Variants in N4BP2L2 observed in about 807,000 individuals in gnomAD.
N4BP2L2 encodes NEDD4 binding protein 2 like 2, also known as NEDD4-binding protein 2-like 2.
Under a neutral mutation model 56.2 loss-of-function variants are expected in N4BP2L2, and 50 were observed. The observed-to-expected ratio is 0.89, with a 90% CI of 0.71 to 1.13. The LOEUF is 1.13. Among genes scored for constraint, N4BP2L2 ranks in the 50% most tolerant of loss-of-function variants. The pLI, the probability that N4BP2L2 is intolerant of heterozygous loss-of-function variation, is 0.00. For synonymous variants in N4BP2L2, 203 were observed against 223.6 expected (o/e 0.91, Z 0.82); for missense variants, 689 against 693.8 (o/e 0.99, Z 0.08).
chr13:32,526,818 G>GTTTTTTTTTTTTTTTTTTTTTTT lies in N4BP2L2; in HGVS notation c.1384+567_1384+589dup, dbSNP rs35925361. On this transcript the variant is annotated intron_variant, in intron 3 of 5. Transcript: ENST00000267068. ...CTGAGGCCAGGCACACTTTTTGTCT[G>GTTTTTTTTTTTTTTTTTTTTTTT]TTTTTTTTTTTTTTTTTTTTTTTTT... 2.1e-4 allele frequency: 5 copies of GTTTTTTTTTTTTTTTTTTTTTTT among 24,242 alleles called. 1 individual carries two copies. The highest frequency in any genetic ancestry group is 4.1e-4 in the African/African-American group (3 of 7,324). 1.5% of individuals were successfully genotyped at this position (24,242 alleles called of 1,614,324 possible).
intron 6 of N4BP2L2, among the ~76,000 whole-genome samples, chr13:32,467,984 T>C (rs2081546311): frequency 6.6e-6 from 1 of 152,046 alleles, no homozygotes. Context: ...AGCAAGACTC[T>C]GTCTCAAAAA....
chr13:32,439,056 T>C (rs930040463), intron 7 of N4BP2L2, among the ~76,000 whole-genome samples: 2 of 152,260 alleles, frequency 1.3e-5, no homozygotes, highest in African/African-American at 4.8e-5. Flanking sequence ...TTCAAGTACA[T>C]GCCATTTCCA....
chr13:32,482,036 T>G (rs1283301856), intron 6 of N4BP2L2, among the ~76,000 whole-genome samples: 2 of 152,214 alleles, frequency 1.3e-5, no homozygotes, highest in Non-Finnish European at 2.9e-5. Flanking sequence ...ATGGGGGCTT[T>G]CAACTATGTA....
intron 1 of N4BP2L2, 137 bp from the exon 2 acceptor site, chr13:32,537,164 G>C (rs576368935): frequency 3.4e-6 from 2 of 589,616 alleles, no homozygotes; most frequent in South Asian, 7.5e-5. Context: ...CAAAATACCA[G>C]TCACTTTCAT....
Position 32,538,171 on chromosome 13 carries a change from G to A in N4BP2L2, c.-1+447C>T, listed in dbSNP as rs138383197. ...ATTCTTCGTTGTGCCACTCTCTGGTGTTCCTAACACGAGAGAAAGAGAAAT... is the reference window on the plus strand; with the variant it reads ...ATTCTTCGTTGTGCCACTCTCTGGTATTCCTAACACGAGAGAAAGAGAAAT... On this transcript the variant is annotated intron_variant, in intron 1 of 5. Transcript: ENST00000267068. Among the ~76,000 whole-genome samples, 17 of 152,100 alleles carry A rather than the reference G, an allele frequency of 1.1e-4. No individual in the cohort carries two copies. The East Asian group carries it at 3.3e-3, about 29-fold the overall frequency.
downstream of N4BP2L2, chr13:32,509,399 C>T (rs1275507190): frequency 6.6e-6 from 1 of 152,188 alleles, no homozygotes; most frequent in Non-Finnish European, 1.5e-5. Flanking sequence ...GGGTACTCAA[C>T]TTTTATTACA....
chr13:32,503,030 GGGCGTGGTGGTA>G (rs1294700406), intron 6 of N4BP2L2, among the ~76,000 whole-genome samples: 1 of 151,628 alleles, frequency 6.6e-6, no homozygotes, highest in Non-Finnish European at 1.5e-5. Context: ...AAAATTAGTC[GGGCGTGGTGGTA>G]GGCACCTGTA....
At chr13:32,532,397 A>C (rs942248948) in intron 2 of N4BP2L2, among the ~76,000 whole-genome samples, 11 of 152,138 alleles carry the variant, frequency 7.2e-5, no homozygotes, top group African/African-American at 2.6e-4. Flanking sequence ...TTTTACTCTT[A>C]GTCCTTTATC....
intron 6 of N4BP2L2, among the ~76,000 whole-genome samples, chr13:32,467,372 C>A (rs1346854454): frequency 2.6e-5 from 4 of 151,910 alleles, no homozygotes; most frequent in African/African-American, 9.7e-5. Flanking sequence ...ATTCTCCTGC[C>A]TCAGCTTCCT....
In N4BP2L2 at chr13:32,536,448, T is replaced by TA. The variant is rs1426301717; in HGVS notation, c.579dup (p.Lys194Ter). ...TGTTCCTGAGAAGGTTCAGATTCTTTACAACTGTTCTCAAAACCATCTTTT... is the reference window on the plus strand; with the variant it reads ...TGTTCCTGAGAAGGTTCAGATTCTTTAACAACTGTTCTCAAAACCATCTTTT... On this transcript the variant is annotated frameshift_variant, in exon 2 of 6. Coordinates refer to ENST00000267068, the Ensembl canonical transcript of N4BP2L2. LOFTEE classifies it high-confidence loss of function. 6 of 1,613,298 alleles carry TA rather than the reference T, an allele frequency of 3.7e-6. No individual in the cohort carries two copies. The African/African-American group carries it at 8.0e-5, about 22-fold the overall frequency.
intron 6 of N4BP2L2, among the ~76,000 whole-genome samples, chr13:32,459,248 C>A (rs1316404527): frequency 6.6e-6 from 1 of 151,646 alleles, no homozygotes; most frequent in Non-Finnish European, 1.5e-5. Flanking sequence ...GCAAAAACAG[C>A]CAACCCCAAA....
intron 6 of N4BP2L2, among the ~76,000 whole-genome samples, chr13:32,458,828 T>C (rs756949990): frequency 3.4e-4 from 52 of 152,156 alleles, no homozygotes; most frequent in Non-Finnish European, 6.2e-4. Context: ...CCAATAGCTG[T>C]AGAATACACA....
chr13:32,483,781 A>ACTG (rs767236524), intron 6 of N4BP2L2, among the ~76,000 whole-genome samples: 17 of 152,110 alleles, frequency 1.1e-4, no homozygotes, highest in Non-Finnish European at 1.9e-4. Context: ...TGATACTACC[A>ACTG]GGCTCACTTT....
exon 7 of N4BP2L2, chr13:32,443,375 A>T: frequency 6.2e-7 from 1 of 1,614,048 alleles, no homozygotes; most frequent in South Asian, 1.1e-5. Context: ...CCTGCAGGCC[A>T]GCTACCAAAA....
At chr13:32,536,954 T>C in exon 2 of N4BP2L2, 1 of 1,613,460 alleles carries the variant, frequency 6.2e-7, no homozygotes, top group Non-Finnish European at 8.5e-7. Context: ...TGACTTCAAT[T>C]TTTTACAGCG....
At chr13:32,537,102 A>G in intron 1 of N4BP2L2, 75 bp from the exon 2 acceptor site, 1 of 1,025,096 alleles carries the variant, frequency 9.8e-7, no homozygotes, top group Non-Finnish European at 1.3e-6. Flanking sequence ...CAAAAACAAG[A>G]AATTAGACAA....
exon 7 of N4BP2L2, chr13:32,443,751 T>C: frequency 7.6e-6 from 12 of 1,572,348 alleles, no homozygotes; most frequent in Non-Finnish European, 1.0e-5. Context: ...GTAACAAACT[T>C]ACAAACAAGT....
chr13:32,465,024 G>T (rs911022271), intron 6 of N4BP2L2, among the ~76,000 whole-genome samples: 3 of 151,756 alleles, frequency 2.0e-5, no homozygotes, highest in African/African-American at 4.8e-5. Context: ...TGGAGTGCAG[G>T]GGCTCAATCT....
At chr13:32,486,182 A>G (rs1461977758) in intron 6 of N4BP2L2, among the ~76,000 whole-genome samples, 2 of 152,148 alleles carry the variant, frequency 1.3e-5, no homozygotes, top group African/African-American at 4.8e-5. Flanking sequence ...AAGGCTAAAT[A>G]TTTCACTCTG....
Sources: gnomAD v4.1 joint callset for allele counts (sites outside exome capture counted in the v4.1 genomes callset) on GRCh38, gnomAD v4.1.1 for gene constraint, MANE v1.5 for transcripts, NCBI Gene and HGNC (gene_info 2026-07-23, HGNC 2026-07-21) for gene names.